GRID2: variants seen among roughly 807,000 people sequenced by gnomAD.
The protein encoded by GRID2 is glutamate ionotropic receptor delta type subunit 2.
GRID2 carries 33 observed loss-of-function variants against 114.8 expected under a neutral mutation model. That is an observed-to-expected ratio of 0.29 (90% CI 0.22 to 0.38). The LOEUF (loss-of-function observed/expected upper bound fraction) is 0.38, where lower values mean the gene tolerates loss of function less well. GRID2 is among the 10% of genes least tolerant of loss of function. The pLI is 1.00. For missense variants in GRID2, 1,184 were observed against 1,257.7 expected (o/e 0.94, Z 0.89); for synonymous variants, 505 against 449.9 (o/e 1.12, Z -1.55).
chr4:92,986,538 A>G (rs761730233), intron 2 of GRID2, among the ~76,000 whole-genome samples: 2 of 152,142 alleles, frequency 1.3e-5, no homozygotes, highest in African/African-American at 2.4e-5. Flanking sequence ...CAACCCTAGA[A>G]AACTACTTTG....
intron 10 of GRID2, among the ~76,000 whole-genome samples, chr4:93,443,569 A>C (rs1023748315): frequency 5.3e-5 from 8 of 151,994 alleles, no homozygotes; most frequent in African/African-American, 1.9e-4. Flanking sequence ...AATCTCAGGC[A>C]AGCTATTTAC....
intron 8 of GRID2, among the ~76,000 whole-genome samples, chr4:93,319,211 A>G (rs966946009): frequency 6.6e-6 from 1 of 152,134 alleles, no homozygotes; most frequent in Admixed American, 6.6e-5. Context: ...ACACACATGT[A>G]ATGAGCAAAG....
At chr4:93,099,922 A>C (rs904883702) in intron 3 of GRID2, among the ~76,000 whole-genome samples, 1 of 151,882 alleles carries the variant, frequency 6.6e-6, no homozygotes, top group Non-Finnish European at 1.5e-5. Context: ...GCAAATGTTT[A>C]TGATTACCCA....
At chr4:92,347,388 A>T (rs1727822534) in intron 1 of GRID2, among the ~76,000 whole-genome samples, 1 of 152,166 alleles carries the variant, frequency 6.6e-6, no homozygotes, top group African/African-American at 2.4e-5. Context: ...TGCTAGTGAG[A>T]TAAACAATAT....
intron 4 of GRID2, among the ~76,000 whole-genome samples, chr4:93,188,621 A>G (rs540517615): frequency 1.3e-5 from 2 of 152,028 alleles, no homozygotes; most frequent in Non-Finnish European, 2.9e-5. Context: ...GGTGTTCTCT[A>G]TTTTTCATTT....
chr4:93,368,064 A>G (rs1004800906), intron 8 of GRID2, among the ~76,000 whole-genome samples: 28 of 152,144 alleles, frequency 1.8e-4, no homozygotes, highest in Non-Finnish European at 3.7e-4. Context: ...TGAAGTATCA[A>G]TGCTTAAAGA....
At chr4:93,582,090 G>A (rs996686940) in intron 13 of GRID2, among the ~76,000 whole-genome samples, 1 of 152,042 alleles carries the variant, frequency 6.6e-6, no homozygotes, top group Non-Finnish European at 1.5e-5. Context: ...ACTTCTCTGG[G>A]TCACATGTTC....
chr4:93,562,519 T>C (rs1300100348), intron 13 of GRID2, among the ~76,000 whole-genome samples: 1 of 152,098 alleles, frequency 6.6e-6, no homozygotes, highest in Non-Finnish European at 1.5e-5. Context: ...AAGTGTCTTT[T>C]ATAGAGCAGA....
At chr4:93,557,233 A>G (rs964747829) in intron 13 of GRID2, among the ~76,000 whole-genome samples, 2 of 152,332 alleles carry the variant, frequency 1.3e-5, no homozygotes, top group East Asian at 3.9e-4. Flanking sequence ...TCAAATTCAC[A>G]CATAACAATA....
chr4:93,307,038 A>C (rs1318678940), intron 8 of GRID2, among the ~76,000 whole-genome samples: 2 of 152,062 alleles, frequency 1.3e-5, no homozygotes, highest in Non-Finnish European at 2.9e-5. Flanking sequence ...TCTACTAAAA[A>C]TACAAAAATT....
chr4:93,049,977 G>T (rs1362074494), intron 2 of GRID2, among the ~76,000 whole-genome samples: 1 of 151,972 alleles, frequency 6.6e-6, no homozygotes, highest in African/African-American at 2.4e-5. Flanking sequence ...CCAAGTACAA[G>T]TGACATTTTA....
intron 11 of GRID2, among the ~76,000 whole-genome samples, chr4:93,464,713 A>G (rs1365583925): frequency 2.0e-5 from 3 of 152,188 alleles, no homozygotes; most frequent in Non-Finnish European, 4.4e-5. Flanking sequence ...AAAATTTAAC[A>G]AAAGATAAAT....
chr4:93,770,727 G>C (rs1265583067), intron 15 of GRID2, among the ~76,000 whole-genome samples: 1 of 152,110 alleles, frequency 6.6e-6, no homozygotes, highest in African/African-American at 2.4e-5. Flanking sequence ...CAACATTATA[G>C]CTGAGACTCA....
chr4:93,489,417 T>C (rs1028780194), intron 11 of GRID2, among the ~76,000 whole-genome samples: 1 of 151,926 alleles, frequency 6.6e-6, no homozygotes, highest in Non-Finnish European at 1.5e-5. Flanking sequence ...TCAGTATACA[T>C]AGAGTCTTGT....
intron 2 of GRID2, among the ~76,000 whole-genome samples, chr4:92,712,971 C>T (rs1236192244): frequency 1.3e-5 from 2 of 151,362 alleles, no homozygotes; most frequent in Non-Finnish European, 2.9e-5. Flanking sequence ...TTTGGATTTG[C>T]ATTTGACTTG....
At chr4:92,425,098 C>A (rs1732093672) in intron 1 of GRID2, among the ~76,000 whole-genome samples, 2 of 151,720 alleles carry the variant, frequency 1.3e-5, no homozygotes, top group South Asian at 4.1e-4. Flanking sequence ...TCTTGACTAC[C>A]AAGCCAAAAG....
chr4:93,705,317 G>C (rs1439276398), intron 14 of GRID2, among the ~76,000 whole-genome samples: 2 of 149,772 alleles, frequency 1.3e-5, no homozygotes, highest in African/African-American at 4.9e-5. Flanking sequence ...TTGTTGTTTT[G>C]TTTCTTTTTT....
intron 2 of GRID2, among the ~76,000 whole-genome samples, chr4:92,665,649 T>G (rs746762554): frequency 2.6e-5 from 4 of 151,246 alleles, no homozygotes; most frequent in African/African-American, 9.6e-5. Flanking sequence ...ATTTTAGAAT[T>G]TTTTTATTTT....
intron 2 of GRID2, among the ~76,000 whole-genome samples, chr4:92,925,092 T>G (rs555454186): frequency 1.0e-3 from 155 of 152,220 alleles, no homozygotes; most frequent in Non-Finnish European, 2.0e-3. Flanking sequence ...TTTGCTCAAC[T>G]AGGTTAGTTT....
Sources: allele counts gnomAD v4.1 joint callset (sites outside exome capture counted in the v4.1 genomes callset), GRCh38; gene constraint gnomAD v4.1.1; transcripts MANE v1.5; gene names NCBI Gene and HGNC (gene_info 2026-07-23, HGNC 2026-07-21).